Variants in NRG3 observed in about 807,000 individuals in gnomAD.
The protein encoded by NRG3 is pro-neuregulin-3, membrane-bound isoform.
NRG3 carries 31 observed loss-of-function variants against 66.9 expected under a neutral mutation model. That is an observed-to-expected ratio of 0.46 (90% CI 0.35 to 0.63). NRG3 has a LOEUF of 0.63. Ranked by LOEUF, NRG3 falls within the 20% of genes least tolerant of loss-of-function variation. The probability of loss-of-function intolerance (pLI) is 0.00; values close to 1 mark genes in which losing one functional copy is unlikely to be tolerated. For synonymous variants in NRG3, 393 were observed against 359.4 expected (o/e 1.09, Z -1.06); for missense variants, 910 against 878.9 (o/e 1.04, Z -0.45).
At chr10:82,508,074 C>T (rs143632007) in intron 2 of NRG3, among the ~76,000 whole-genome samples, 4 of 152,240 alleles carry the variant, frequency 2.6e-5, no homozygotes, top group Non-Finnish European at 5.9e-5. Context: ...AAATTGAGTT[C>T]CTGTGGGTTG....
intron 2 of NRG3, among the ~76,000 whole-genome samples, chr10:82,559,944 T>G (rs2044920148): frequency 6.6e-6 from 1 of 152,066 alleles, no homozygotes; most frequent in Non-Finnish European, 1.5e-5. Context: ...AGTTTTGTTT[T>G]GCTTAAAATT....
chr10:82,093,410 C>T (rs2132017974), intron 1 of NRG3, among the ~76,000 whole-genome samples: 1 of 152,274 alleles, frequency 6.6e-6, no homozygotes, highest in East Asian at 1.9e-4. Context: ...ATCTCTTTAA[C>T]TTGGGTTATG....
intron 1 of NRG3, among the ~76,000 whole-genome samples, chr10:82,028,853 A>G (rs2062434745): frequency 6.6e-6 from 1 of 152,074 alleles, no homozygotes; most frequent in South Asian, 2.1e-4. Flanking sequence ...TCACTCACAA[A>G]TACTTTCATA....
intron 2 of NRG3, among the ~76,000 whole-genome samples, chr10:82,524,380 G>A (rs536089447): frequency 4.6e-5 from 7 of 151,974 alleles, no homozygotes; most frequent in East Asian, 1.9e-4. Context: ...GCTGAATAAC[G>A]TTAGTTTCAT....
At chr10:82,827,677 T>G (rs1046343113) in intron 3 of NRG3, among the ~76,000 whole-genome samples, 2 of 152,182 alleles carry the variant, frequency 1.3e-5, no homozygotes, top group Non-Finnish European at 2.9e-5. Flanking sequence ...TAAATCAATT[T>G]GACCTTGCCG....
chr10:82,033,751 CTG>C (rs1247389393), intron 1 of NRG3, among the ~76,000 whole-genome samples: 25 of 152,200 alleles, frequency 1.6e-4, no homozygotes, highest in Non-Finnish European at 3.1e-4. Flanking sequence ...CCCTTTAACT[CTG>C]AGCATTGCAC....
At chr10:82,754,371 A>T (rs1243385214) in intron 3 of NRG3, among the ~76,000 whole-genome samples, 1 of 151,792 alleles carries the variant, frequency 6.6e-6, no homozygotes, top group African/African-American at 2.4e-5. Context: ...CAAAATTTGT[A>T]TTTGGGTTTT....
intron 3 of NRG3, among the ~76,000 whole-genome samples, chr10:82,842,102 T>A (rs889427879): frequency 7.9e-5 from 12 of 151,982 alleles, no homozygotes; most frequent in Non-Finnish European, 1.8e-4. Flanking sequence ...AATACAAAAA[T>A]TTTCCAGGCG....
intron 1 of NRG3, among the ~76,000 whole-genome samples, chr10:82,015,301 G>T (rs1253106801): frequency 6.6e-6 from 1 of 152,166 alleles, no homozygotes; most frequent in Non-Finnish European, 1.5e-5. Flanking sequence ...TGTATTTGAA[G>T]ATACTTTTCT....
chr10:82,575,286 C>T (rs886170743), intron 2 of NRG3, among the ~76,000 whole-genome samples: 2 of 151,054 alleles, frequency 1.3e-5, no homozygotes, highest in East Asian at 3.9e-4. Context: ...TAAAAATGGC[C>T]TCTGAAAGAA....
At chr10:82,879,274 A>G (rs1381626860) in intron 4 of NRG3, among the ~76,000 whole-genome samples, 2 of 152,176 alleles carry the variant, frequency 1.3e-5, no homozygotes, top group East Asian at 1.9e-4. Context: ...ACTTTTAAAA[A>G]TAAATGTAAA....
chr10:82,052,033 T>A (rs992770094), intron 1 of NRG3, among the ~76,000 whole-genome samples: 26 of 149,664 alleles, frequency 1.7e-4, no homozygotes, highest in African/African-American at 6.1e-4. Flanking sequence ...CGCATTAGAT[T>A]TTTTTTTTTT....
chr10:82,827,980 A>C (rs1423836231), intron 3 of NRG3, among the ~76,000 whole-genome samples: 2 of 152,110 alleles, frequency 1.3e-5, no homozygotes, highest in Non-Finnish European at 2.9e-5. Context: ...AGAGTGTTTT[A>C]GATTCTGTCA....
chr10:82,524,615 T>C (rs1016138203), intron 2 of NRG3, among the ~76,000 whole-genome samples: 1 of 151,964 alleles, frequency 6.6e-6, no homozygotes, highest in Admixed American at 6.5e-5. Context: ...GTTACATATA[T>C]ATTCACTGAG....
chr10:82,682,523 G>T (rs531678042), intron 2 of NRG3, among the ~76,000 whole-genome samples: 1 of 152,258 alleles, frequency 6.6e-6, no homozygotes, highest in African/African-American at 2.4e-5. Context: ...TTTAGTTAGG[G>T]TAAATAATAG....
intron 2 of NRG3, among the ~76,000 whole-genome samples, chr10:82,501,356 T>G (rs1414125020): frequency 6.6e-6 from 1 of 152,140 alleles, no homozygotes; most frequent in African/African-American, 2.4e-5. Context: ...AGAGCAAACC[T>G]TTTAACATAG....
intron 2 of NRG3, among the ~76,000 whole-genome samples, chr10:82,495,663 T>C (rs1347043970): frequency 6.6e-6 from 1 of 152,124 alleles, no homozygotes. Flanking sequence ...TACAAATCTT[T>C]ACAAAATTAC....
At chr10:82,202,608 C>T (rs1409938468) in intron 1 of NRG3, among the ~76,000 whole-genome samples, 7 of 152,184 alleles carry the variant, frequency 4.6e-5, no homozygotes, top group Non-Finnish European at 7.3e-5. Flanking sequence ...CTATGTATTT[C>T]TACACAGATC....
chr10:81,891,246 C>T (rs966045060), intron 1 of NRG3, among the ~76,000 whole-genome samples: 68 of 152,016 alleles, frequency 4.5e-4, no homozygotes, highest in African/African-American at 1.5e-3. Flanking sequence ...TGTCATGTGC[C>T]GTGGGAGAAA....
Sources: allele counts gnomAD v4.1 joint callset (sites outside exome capture counted in the v4.1 genomes callset), GRCh38; gene constraint gnomAD v4.1.1; transcripts MANE v1.5; gene names NCBI Gene and HGNC (gene_info 2026-07-23, HGNC 2026-07-21).